CTNNBL1: variants seen among roughly 807,000 people sequenced by gnomAD.
CTNNBL1 encodes the protein catenin beta like 1.
In CTNNBL1, 31 loss-of-function variants were observed where a neutral mutation model predicts 72.7. The observed-to-expected ratio is 0.43, with a 90% confidence interval of 0.32 to 0.58. The LOEUF is 0.58. Ranked by LOEUF, CTNNBL1 falls within the 20% of genes least tolerant of loss-of-function variation. The pLI, the probability that CTNNBL1 is intolerant of heterozygous loss-of-function variation, is 0.08. For synonymous variants in CTNNBL1, 240 were observed against 267.3 expected (o/e 0.90, Z 1.00); for missense variants, 534 against 725.1 (o/e 0.74, Z 3.03).
chr20:37,814,770 T>C (rs955419877), intron 11 of CTNNBL1, among the ~76,000 whole-genome samples: 7 of 152,320 alleles, frequency 4.6e-5, no homozygotes, highest in African/African-American at 1.4e-4. Context: ...CTGGATTCTG[T>C]TGCCCAGCTA....
At chr20:37,848,958 C>T (rs1288964145) in intron 13 of CTNNBL1, among the ~76,000 whole-genome samples, 1 of 152,186 alleles carries the variant, frequency 6.6e-6, no homozygotes, top group East Asian at 1.9e-4. Flanking sequence ...GCGGCCCTAG[C>T]CCTGTATAAT....
chr20:37,849,207 T>C (rs2072373206), intron 13 of CTNNBL1, among the ~76,000 whole-genome samples: 1 of 152,252 alleles, frequency 6.6e-6, no homozygotes. Flanking sequence ...AGTCTGCCTA[T>C]CTGTAGGTTT....
At position 37,694,405 on chromosome 20, in the gene CTNNBL1, C is replaced by A. The variant is rs570005026; in HGVS notation, c.30+253C>A. 1.6e-3 allele frequency among the ~76,000 whole-genome samples: 243 copies of A among 152,322 alleles called. 1 individual carries two copies. The highest frequency in any genetic ancestry group is 5.6e-3 in the African/African-American group (234 of 41,584). The stretch of plus-strand genomic sequence containing the variant: ...TGGGGCCTGGTTCCCTGAAACTCCT[C>A]TGAAACCCCAGACTATCCTTTTTTT... On this transcript the variant is annotated intron_variant, in intron 1 of 15. Transcript: ENST00000361383.
At chr20:37,800,456 G>C (rs1164256141) in intron 10 of CTNNBL1, among the ~76,000 whole-genome samples, 1 of 152,108 alleles carries the variant, frequency 6.6e-6, no homozygotes, top group Admixed American at 6.5e-5. Context: ...GTGGCTTCCT[G>C]ATGGTGAAAT....
At chr20:37,780,960 G>A (rs1162582994) in intron 10 of CTNNBL1, among the ~76,000 whole-genome samples, 1 of 152,076 alleles carries the variant, frequency 6.6e-6, no homozygotes, top group Non-Finnish European at 1.5e-5. Flanking sequence ...AAAGGCTTCT[G>A]GGGGGCTGGA....
At chr20:37,737,320 G>A (rs951353363) in intron 2 of CTNNBL1, 58 bp from the exon 3 acceptor site, 4 of 1,184,780 alleles carry the variant, frequency 3.4e-6, no homozygotes, top group Non-Finnish European at 5.0e-6. Context: ...GGAAAGTAGT[G>A]ACAATGAATG....
At chr20:37,702,327 C>T (rs1168227849) in intron 1 of CTNNBL1, among the ~76,000 whole-genome samples, 1 of 152,134 alleles carries the variant, frequency 6.6e-6, no homozygotes, top group Non-Finnish European at 1.5e-5. Context: ...TTATGTGCCT[C>T]ATAAGGTAGT....
At chr20:37,725,137 G>C (rs1326030168) in intron 1 of CTNNBL1, among the ~76,000 whole-genome samples, 1 of 151,920 alleles carries the variant, frequency 6.6e-6, no homozygotes, top group Non-Finnish European at 1.5e-5. Flanking sequence ...GAACTCCTGG[G>C]CTCAAGTGAG....
At chr20:37,868,524 G>A (rs1394853927) in intron 15 of CTNNBL1, among the ~76,000 whole-genome samples, 1 of 152,178 alleles carries the variant, frequency 6.6e-6, no homozygotes, top group Non-Finnish European at 1.5e-5. Context: ...CTCTGTATGG[G>A]ACAGGCCCTC....
At chr20:37,715,002 C>T (rs1456904429) in intron 1 of CTNNBL1, among the ~76,000 whole-genome samples, 2 of 152,184 alleles carry the variant, frequency 1.3e-5, no homozygotes, top group Non-Finnish European at 2.9e-5. Flanking sequence ...CCCCCGTTCA[C>T]GTGACTAGTT....
chr20:37,792,281 A>T (rs2073731629), intron 10 of CTNNBL1, among the ~76,000 whole-genome samples: 1 of 151,492 alleles, frequency 6.6e-6, no homozygotes. Context: ...GATTTCAGTG[A>T]TTTCTGCTCT....
intron 1 of CTNNBL1, among the ~76,000 whole-genome samples, chr20:37,723,088 GAATC>G (rs1397931772): frequency 6.6e-6 from 1 of 152,228 alleles, no homozygotes; most frequent in East Asian, 1.9e-4. Context: ...TGTAGCTGTA[GAATC>G]AATCAGAGCA....
intron 11 of CTNNBL1, among the ~76,000 whole-genome samples, chr20:37,822,562 T>C (rs1255494538): frequency 6.6e-6 from 1 of 152,222 alleles, no homozygotes; most frequent in Admixed American, 6.5e-5. Context: ...CAAAATGGAC[T>C]CTCTGCTTAT....
chr20:37,706,036 A>C (rs1285618880), intron 1 of CTNNBL1, among the ~76,000 whole-genome samples: 1 of 152,236 alleles, frequency 6.6e-6, no homozygotes, highest in Non-Finnish European at 1.5e-5. Context: ...ACTGCAGCCT[A>C]ATAAGTGTGC....
At chr20:37,710,000 C>A (rs1038276675) in intron 1 of CTNNBL1, among the ~76,000 whole-genome samples, 1 of 152,224 alleles carries the variant, frequency 6.6e-6, no homozygotes, top group Non-Finnish European at 1.5e-5. Flanking sequence ...AGCACCCCAA[C>A]AACTTGGTGA....
intron 1 of CTNNBL1, among the ~76,000 whole-genome samples, chr20:37,709,489 A>G (rs1427779169): frequency 6.6e-6 from 1 of 152,212 alleles, no homozygotes; most frequent in Non-Finnish European, 1.5e-5. Context: ...GCAGCTTTGT[A>G]TAAAAAGAAA....
intron 11 of CTNNBL1, among the ~76,000 whole-genome samples, chr20:37,805,907 C>T (rs2071955960): frequency 6.6e-6 from 1 of 152,162 alleles, no homozygotes; most frequent in African/African-American, 2.4e-5. Flanking sequence ...TGTTTCTTGA[C>T]TGTGTGAATG....
intron 10 of CTNNBL1, among the ~76,000 whole-genome samples, chr20:37,798,536 TAA>T: frequency 6.6e-6 from 1 of 152,340 alleles, no homozygotes; most frequent in South Asian, 2.1e-4. Flanking sequence ...TATTGATTTC[TAA>T]AAGCCTGAAC....
intron 13 of CTNNBL1, among the ~76,000 whole-genome samples, chr20:37,853,977 C>T (rs1375867958): frequency 6.6e-6 from 1 of 152,222 alleles, no homozygotes; most frequent in Non-Finnish European, 1.5e-5. Context: ...AAGCCAATCT[C>T]TGTTTCATCT....
Sources: allele counts gnomAD v4.1 joint callset (sites outside exome capture counted in the v4.1 genomes callset), GRCh38; gene constraint gnomAD v4.1.1; transcripts MANE v1.5; gene names NCBI Gene and HGNC (gene_info 2026-07-23, HGNC 2026-07-21).